HYPK: variants seen among roughly 807,000 people sequenced by gnomAD.
The protein encoded by HYPK is huntingtin-interacting protein K.
In HYPK, 9 loss-of-function variants were observed where a neutral mutation model predicts 13.9. The ratio of observed to expected loss-of-function variants is 0.65; its 90% CI spans 0.39 to 1.13. The LOEUF (loss-of-function observed/expected upper bound fraction) is 1.13, where lower values mean the gene tolerates loss of function less well. HYPK is among the 50% of genes most tolerant of loss of function. The probability of loss-of-function intolerance (pLI) is 0.01; values close to 1 mark genes in which losing one functional copy is unlikely to be tolerated. For synonymous variants in HYPK, 76 were observed against 57.0 expected, an observed-to-expected ratio of 1.33 and a Z score of -1.50; for missense variants, 138 against 157.6, an observed-to-expected ratio of 0.88 and a Z score of 0.67.
Position 43,803,187 on chromosome 15 carries a change from C to T in HYPK, c.*1381C>T, listed in dbSNP as rs1050436752. ...GAGGACTGTGTCAGGTCAGGATTTCCAGACCAGCCTGGGCAACATAGCATG... is the reference window on the plus strand; with the variant it reads ...GAGGACTGTGTCAGGTCAGGATTTCTAGACCAGCCTGGGCAACATAGCATG... On this transcript the variant is annotated 3_prime_UTR_variant, in exon 4 of 4. Coordinates refer to ENST00000442995, the MANE Select transcript of HYPK (RefSeq NM_016400.4). 6.7e-6 allele frequency: 1 copy of T among 150,332 alleles called. No homozygotes were observed. Among genetic ancestry groups the T allele is most frequent in the East Asian group, 2.0e-4 (1 of 5,052 alleles). The allele number at this position is 150,332 out of a possible 1,614,324, so 9.3% of individuals were successfully genotyped here.
In HYPK at chr15:43,801,730, C is replaced by T; in HGVS notation, c.290C>T (p.Ser97Phe). Residue 97 changes from serine to phenylalanine, a missense_variant, in exon 4 of 4, where the codon TCT becomes TTT. Coordinates refer to ENST00000442995, the MANE Select transcript of HYPK (RefSeq NM_016400.4). ...LELIMTEMEI[S>F]RAAAERSLRE... Reference sequence around the variant, plus strand: ...CTGCAGATGACTGAGATGGAGATATCTCGAGCAGCAGCAGAACGCAGTTTG... The same window carrying T: ...CTGCAGATGACTGAGATGGAGATATTTCGAGCAGCAGCAGAACGCAGTTTG... The T allele has an allele frequency of 1.2e-6, 2 of 1,614,186 alleles. No homozygotes were observed. Among genetic ancestry groups the T allele is most frequent in the Middle Eastern group, 1.6e-4 (1 of 6,062 alleles).
chr15:43,801,070 G>A (rs1268037339), intron 1 of HYPK, 62 bp from the exon 2 acceptor site: 4 of 1,428,196 alleles, frequency 2.8e-6, no homozygotes, highest in African/African-American at 1.4e-5. Context: ...TGTTTTGTTG[G>A]CCTTTTAGAT....
intron 1 of HYPK, among the ~76,000 whole-genome samples, 167 bp downstream of exon 1, chr15:43,800,951 A>T (rs2087306285): frequency 6.6e-6 from 1 of 152,162 alleles, no homozygotes; most frequent in African/African-American, 2.4e-5. Flanking sequence ...CGCTTGCCTA[A>T]AGGAGCTTGA....
In HYPK at chr15:43,803,012, G is replaced by C. The variant is rs1168636817; in HGVS notation, c.*1206G>C. On this transcript the variant is annotated 3_prime_UTR_variant, in exon 4 of 4. Coordinates refer to ENST00000442995, the MANE Select transcript of HYPK (RefSeq NM_016400.4). ...GAGACCAGCTTGGGCAACACAGTGAGATTTCGTCTCTACCGCGCTCCCCCC... is the reference window on the plus strand; with the variant it reads ...GAGACCAGCTTGGGCAACACAGTGACATTTCGTCTCTACCGCGCTCCCCCC... The C allele has an allele frequency of 6.6e-6, 1 of 152,198 alleles. No individual in the cohort carries two copies. The highest frequency in any genetic ancestry group is 2.4e-5 in the African/African-American group (1 of 41,374). 9.4% of individuals were successfully genotyped at this position (152,198 alleles called of 1,614,324 possible).
At chr15:43,801,085 G>A (rs2087308376) in intron 1 of HYPK, 47 bp from the exon 2 acceptor site, 1 of 1,519,574 alleles carries the variant, frequency 6.6e-7, no homozygotes, top group Non-Finnish European at 9.1e-7. Flanking sequence ...TTAGATTATT[G>A]GGAATTGTGG....
chr15:43,800,513 A>T, upstream of HYPK: 1 of 1,399,164 alleles, frequency 7.1e-7, no homozygotes, highest in Non-Finnish European at 1.0e-6. Flanking sequence ...ACTGGAGCAG[A>T]AAGAAGGTGT....
At position 43,801,510 on chromosome 15, in the gene HYPK, T is replaced by A; in HGVS notation, c.219-8T>A. On this transcript the variant is annotated splice_polypyrimidine_tract_variant and splice_region_variant and intron_variant, in intron 2 of 3. Transcript: ENST00000442995. ...AATGAGGACTAATATATTTAAATAT[T>A]TTTGCAGGGAGAAAGAACTGGCAAA... is the stretch of plus-strand genomic sequence containing the variant. 1.2e-6 allele frequency: 2 copies of A among 1,611,866 alleles called. No homozygotes were observed. The highest frequency in any genetic ancestry group is 2.2e-5 in the East Asian group (1 of 44,874).
rs112906043 is a variant in HYPK at position 43,801,647 on chromosome 15, G to A, written c.271-64G>A. ...TTTGGGTTGTTTCCTGAAACAAGCG[G>A]AGTCAGTATATTTGGTGGCACATTA... On this transcript the variant is annotated intron_variant, in intron 3 of 3. Transcript: ENST00000442995. 21 of 1,606,438 alleles carry A rather than the reference G, an allele frequency of 1.3e-5. No individual in the cohort carries two copies. In the African/African-American group the frequency reaches 1.3e-4, roughly 10 times the overall value.
chr15:43,801,249 A>G, intron 2 of HYPK, 62 bp downstream of exon 2: 1 of 1,384,512 alleles, frequency 7.2e-7, no homozygotes, highest in Non-Finnish European at 1.0e-6. Context: ...AGACAAAAAT[A>G]AAAACCATTA....
chr15:43,800,908 G>C (rs1433650889), intron 1 of HYPK, 124 bp downstream of exon 1: 12 of 1,040,978 alleles, frequency 1.2e-5, no homozygotes, highest in African/African-American at 6.4e-5. Flanking sequence ...CAATAGGGTA[G>C]AGCCGAGGGA....
At chr15:43,800,473 CG>C (rs1385813585), upstream of HYPK, 6 of 1,087,212 alleles carry the variant, frequency 5.5e-6, no homozygotes, top group Non-Finnish European at 8.3e-6. Context: ...GTCTGAGAGA[CG>C]AACCGCCTTC....
intron 1 of HYPK, 147 bp downstream of exon 1, chr15:43,800,931 C>T (rs2087305896): frequency 2.2e-6 from 2 of 927,384 alleles, no homozygotes; most frequent in African/African-American, 1.7e-5. Flanking sequence ...CAGCGGTCAC[C>T]GGAGCGCGCC....
chr15:43,802,569 CAA>C lies in HYPK; in HGVS notation c.*784_*785del, dbSNP rs34069133. On this transcript the variant is annotated 3_prime_UTR_variant, in exon 4 of 4. Transcript: ENST00000442995. ...TGGGGGAAAGAGTGAAACTCCATCT[CAA>C]AAAAAAAAAAAAAAAAAAAAGCCCG... The C allele has an allele frequency of 1.2e-3, 35 of 28,962 alleles. No individual in the cohort carries two copies. Among genetic ancestry groups the C allele is most frequent in the African/African-American group, 5.1e-3 (29 of 5,648 alleles). The allele number at this position is 28,962 out of a possible 1,614,324, so 1.8% of individuals were successfully genotyped here.
upstream of HYPK, chr15:43,800,466 T>A (rs1201794306): frequency 3.9e-6 from 4 of 1,018,198 alleles, no homozygotes; most frequent in African/African-American, 6.4e-5. Context: ...AAAGGAAGTC[T>A]GAGAGACGAA....
At chr15:43,800,484 C>A, upstream of HYPK, 1 of 1,181,202 alleles carries the variant, frequency 8.5e-7, no homozygotes, top group Non-Finnish European at 1.2e-6. Context: ...GAACCGCCTT[C>A]CTCCCTGAAG....
At chr15:43,800,570 T>C (rs768019390), upstream of HYPK, 3 of 1,611,340 alleles carry the variant, frequency 1.9e-6, no homozygotes, top group South Asian at 3.3e-5. Context: ...GCTGTGTCAG[T>C]TGCCGGAAGT....
rs745337061 is a variant in HYPK, at chr15:43,801,508, AT to A, written c.219-5del. On this transcript the variant is annotated splice_polypyrimidine_tract_variant and intron_variant, in intron 2 of 3. Coordinates refer to ENST00000442995, the MANE Select transcript of HYPK (RefSeq NM_016400.4). ...AGAATGAGGACTAATATATTTAAAT[AT>A]TTTTGCAGGGAGAAAGAACTGGCAA... is the stretch of plus-strand genomic sequence containing the variant. 1.2e-5 allele frequency: 19 copies of A among 1,611,446 alleles called. No homozygotes were observed. In the African/African-American group the frequency reaches 2.5e-4, roughly 21 times the overall value.
chr15:43,800,551 CG>C (rs1567173362), upstream of HYPK: 3 of 1,598,608 alleles, frequency 1.9e-6, no homozygotes, highest in Non-Finnish European at 2.6e-6. Flanking sequence ...GCCTCCTCCC[CG>C]GGCGGAAGCT....
rs1424352360 is a variant in HYPK at position 43,801,159 on chromosome 15, TC to T, written c.193del (p.Arg65GlyfsTer25). 4 of 1,613,846 alleles carry T rather than the reference TC, an allele frequency of 2.5e-6. No homozygotes were observed. The highest frequency in any genetic ancestry group is 3.4e-6 in the Non-Finnish European group (4 of 1,179,950). ...TAMSVIGDRR[S>X]REQKAKQERE... is the part of the protein sequence containing the mutation. ...CATGTCTGTGATTGGAGACAGAAGG[TC>T]CCGGGAGCAGAAAGCCAAACAGGAG... is the stretch of plus-strand genomic sequence containing the variant. On this transcript the variant is annotated frameshift_variant, in exon 2 of 4. Coordinates refer to ENST00000442995, the MANE Select transcript of HYPK (RefSeq NM_016400.4). LOFTEE classifies it high-confidence loss of function.
Sources: gnomAD v4.1 joint callset for allele counts (sites outside exome capture counted in the v4.1 genomes callset) on GRCh38, gnomAD v4.1.1 for gene constraint, MANE v1.5 for transcripts, NCBI Gene and HGNC (gene_info 2026-07-23, HGNC 2026-07-21) for gene names.